DAPK1: variants seen among roughly 807,000 people sequenced by gnomAD.
The protein encoded by DAPK1 is death associated protein kinase 1, also known as death-associated protein kinase 1.
In DAPK1, 56 loss-of-function variants were observed where a neutral mutation model predicts 144.9. That is an observed-to-expected ratio of 0.39 (90% CI 0.31 to 0.48). The LOEUF (loss-of-function observed/expected upper bound fraction) is 0.48. DAPK1 is among the 20% of genes least tolerant of loss of function. DAPK1 has a pLI of 0.95. For synonymous variants in DAPK1, 690 were observed against 749.0 expected (o/e 0.92, Z 1.29); for missense variants, 1,454 against 1,875.4 (o/e 0.78, Z 4.15).
intron 2 of DAPK1, among the ~76,000 whole-genome samples, chr9:87,543,375 A>T (rs1826124149): frequency 2.6e-5 from 4 of 152,252 alleles, no homozygotes; most frequent in African/African-American, 7.2e-5. Context: ...CTTTTCATAG[A>T]CATAATTTCC....
chr9:87,511,668 T>TTTTGTGTGTGTGTGTG (rs377228751), intron 2 of DAPK1, among the ~76,000 whole-genome samples: 1 of 140,638 alleles, frequency 7.1e-6, no homozygotes, highest in Admixed American at 7.2e-5. Flanking sequence ...TCTTTTTCTT[T>TTTTGTGTGTGTGTGTG]TGTGTGTGTG....
intron 2 of DAPK1, among the ~76,000 whole-genome samples, chr9:87,589,309 T>C (rs1828045567): frequency 6.6e-6 from 1 of 152,124 alleles, no homozygotes; most frequent in African/African-American, 2.4e-5. Context: ...GATGTCTAAC[T>C]TCCCTCACCA....
intron 2 of DAPK1, among the ~76,000 whole-genome samples, chr9:87,581,124 G>A (rs1262498482): frequency 6.6e-6 from 1 of 151,086 alleles, no homozygotes; most frequent in Non-Finnish European, 1.5e-5. Context: ...TCATGTAAAA[G>A]TCTGTTGCAC....
upstream of DAPK1, chr9:87,497,685 C>T: frequency 5.0e-6 from 1 of 198,880 alleles, no homozygotes; most frequent in Non-Finnish European, 1.0e-5. Flanking sequence ...CGCGGTAGAG[C>T]GCGCCAGCGA....
intron 2 of DAPK1, among the ~76,000 whole-genome samples, chr9:87,537,205 C>T (rs1825889135): frequency 6.6e-6 from 1 of 152,190 alleles, no homozygotes; most frequent in Non-Finnish European, 1.5e-5. Flanking sequence ...CCAGGCTTGT[C>T]TCGAACTCCT....
chr9:87,706,846 C>A lies in DAPK1; in HGVS notation c.3775C>A (p.Arg1259=), dbSNP rs771500801. ...VMIYQPRDFF[R]AQTLKETSLT... ...GATCTACCAGCCACGGGACTTCTTCCGGGCACAGACTCTGAAGGAAACCTC... is the reference window on the plus strand; with the variant it reads ...GATCTACCAGCCACGGGACTTCTTCAGGGCACAGACTCTGAAGGAAACCTC... The change falls in exon 26 of 26, where the codon CGG becomes AGG. Residue 1259 remains arginine, a synonymous_variant. Transcript: ENST00000408954. This position sits in a 1 kb window ranked among gnomAD's most constrained non-coding sequence, Gnocchi z 9.0. 5.0e-6 allele frequency: 8 copies of A among 1,613,788 alleles called. No homozygotes were observed. The East Asian group carries it at 1.8e-4, about 36-fold the overall frequency.
intron 2 of DAPK1, among the ~76,000 whole-genome samples, chr9:87,543,218 T>G (rs190000904): frequency 1.4e-4 from 22 of 152,314 alleles, no homozygotes; most frequent in Non-Finnish European, 2.9e-4. Flanking sequence ...TAAGAATGTC[T>G]AAAACAGATG....
At chr9:87,500,805 C>T (rs1824362313) in intron 2 of DAPK1, among the ~76,000 whole-genome samples, 1 of 152,040 alleles carries the variant, frequency 6.6e-6, no homozygotes, top group South Asian at 2.1e-4. Flanking sequence ...ATAACGTTCT[C>T]CCCACTGTGC....
At chr9:87,668,324 G>A (rs562776008) in intron 18 of DAPK1, 121 of 434,500 alleles carry the variant, frequency 2.8e-4, no homozygotes, top group Non-Finnish European at 4.4e-4. Flanking sequence ...CTGTTGAGTT[G>A]TGATTAAACC....
intron 2 of DAPK1, among the ~76,000 whole-genome samples, chr9:87,511,432 A>G (rs1354979181): frequency 6.6e-6 from 1 of 152,136 alleles, no homozygotes; most frequent in Non-Finnish European, 1.5e-5. Flanking sequence ...GGGAGGGAAA[A>G]GCTTCATGTT....
At chr9:87,582,010 AAAC>A (rs1182599858) in intron 2 of DAPK1, among the ~76,000 whole-genome samples, 1 of 152,214 alleles carries the variant, frequency 6.6e-6, no homozygotes, top group Non-Finnish European at 1.5e-5. Context: ...TTTAAAAAGA[AAAC>A]AAATCCAGGA....
chr9:87,518,754 A>T (rs756190010), intron 2 of DAPK1, among the ~76,000 whole-genome samples: 8 of 152,224 alleles, frequency 5.3e-5, no homozygotes, highest in Middle Eastern at 3.4e-3. Flanking sequence ...CTGCTGACAT[A>T]TCAGTGTCTA....
chr9:87,677,612 C>A (rs1824441988), intron 19 of DAPK1, among the ~76,000 whole-genome samples: 1 of 152,218 alleles, frequency 6.6e-6, no homozygotes, highest in African/African-American at 2.4e-5. Flanking sequence ...TTTCTGCCTT[C>A]CCCTGGTCTC....
chr9:87,624,288 C>A (rs1364325264), intron 3 of DAPK1, among the ~76,000 whole-genome samples: 2 of 152,236 alleles, frequency 1.3e-5, no homozygotes, highest in African/African-American at 4.8e-5. Flanking sequence ...TGCTGGCTGT[C>A]AGCTGTGAGT....
intron 3 of DAPK1, chr9:87,632,080 G>GTA: frequency 1.4e-6 from 1 of 729,390 alleles, no homozygotes; most frequent in Non-Finnish European, 1.7e-6. Flanking sequence ...AAGTTAATTA[G>GTA]TATATATGTA....
chr9:87,590,385 AGAAAAG>A (rs1415177013), intron 2 of DAPK1, among the ~76,000 whole-genome samples: 9 of 147,034 alleles, frequency 6.1e-5, no homozygotes, highest in African/African-American at 1.8e-4. Context: ...AAAAAAAAAA[AGAAAAG>A]AAAAGAAAAG....
chr9:87,681,946 T>C (rs1460112609), intron 20 of DAPK1, among the ~76,000 whole-genome samples: 1 of 152,192 alleles, frequency 6.6e-6, no homozygotes, highest in Non-Finnish European at 1.5e-5. Flanking sequence ...GCAAATTGCA[T>C]TGCATTCTAC....
At chr9:87,590,249 T>G (rs1369537913) in intron 2 of DAPK1, among the ~76,000 whole-genome samples, 3 of 151,984 alleles carry the variant, frequency 2.0e-5, no homozygotes, top group Non-Finnish European at 4.4e-5. Context: ...ACGTGGAGAC[T>G]CGAATTTTTA....
intron 19 of DAPK1, among the ~76,000 whole-genome samples, chr9:87,673,813 T>G (rs1189375234): frequency 6.6e-6 from 1 of 152,074 alleles, no homozygotes; most frequent in African/African-American, 2.4e-5. Context: ...GAAGTCTGCT[T>G]CTCCCTACCA....
Sources: allele counts gnomAD v4.1 joint callset (sites outside exome capture counted in the v4.1 genomes callset), GRCh38; gene constraint gnomAD v4.1.1; non-coding constraint Gnocchi (gnomAD v3.1); transcripts MANE v1.5; gene names NCBI Gene and HGNC (gene_info 2026-07-23, HGNC 2026-07-21).